UBA52: variants seen among roughly 807,000 people sequenced by gnomAD.
The protein encoded by UBA52 is ubiquitin-ribosomal protein eL40 fusion protein.
In UBA52, 1 loss-of-function variant was observed where a neutral mutation model predicts 15.3. The observed-to-expected ratio is 0.07, with a 90% CI of 0.02 to 0.31. The LOEUF (loss-of-function observed/expected upper bound fraction) is 0.31. Ranked by LOEUF, UBA52 falls within the 10% of genes least tolerant of loss-of-function variation. The pLI is 1.00. For synonymous variants in UBA52, 50 were observed against 58.3 expected, an observed-to-expected ratio of 0.86 and a Z score of 0.65; for missense variants, 87 against 168.0, an observed-to-expected ratio of 0.52 and a Z score of 2.66.
At chr19:18,572,893 C>T in intron 1 of UBA52, 1 of 1,083,114 alleles carries the variant, frequency 9.2e-7, no homozygotes, top group Non-Finnish European at 1.1e-6. Flanking sequence ...CAGATCAGGA[C>T]CTGGCTGCCG....
the UBA52 span, chr19:18,564,819 C>T: frequency 6.2e-7 from 1 of 1,604,024 alleles, no homozygotes; most frequent in Non-Finnish European, 8.5e-7. Context: ...CCAGGTTGGG[C>T]AGGGCCCTGA....
Position 18,577,169 on chromosome 19 carries a change from A to G in UBA52, c.*2019A>G, listed in dbSNP as rs958960951. ...GTGCACGAGGCCAGTGATGCATCCT[A>G]ATGAGGGGTGGAGTTGGCGGGACTT... is the stretch of plus-strand genomic sequence containing the variant. On this transcript the variant is annotated 3_prime_UTR_variant, in exon 5 of 5. Transcript: ENST00000442744. 6.6e-6 allele frequency: 1 copy of G among 151,596 alleles called. No individual in the cohort carries two copies. The allele number at this position is 151,596 out of a possible 1,614,324, so 9.4% of individuals were successfully genotyped here.
intron 1 of UBA52, chr19:18,572,256 C>G (rs192845419): frequency 6.6e-6 from 1 of 152,284 alleles, no homozygotes; most frequent in South Asian, 2.1e-4. Flanking sequence ...CGAGCTGAGT[C>G]TTCATACCTG....
At chr19:18,571,257 C>T (rs1280645765), upstream of UBA52, among the ~76,000 whole-genome samples, 2 of 148,388 alleles carry the variant, frequency 1.3e-5, no homozygotes, top group Non-Finnish European at 3.0e-5. Context: ...TTGCGGTGAG[C>T]CGAGATCGCG....
At chr19:18,568,657 G>C, upstream of UBA52, 1 of 1,556,290 alleles carries the variant, frequency 6.4e-7, no homozygotes, top group Non-Finnish European at 8.8e-7. Context: ...CCTTGAGGGG[G>C]TCTCAGGGCA....
chr19:18,565,308 C>T, the UBA52 span: 2 of 630,422 alleles, frequency 3.2e-6, no homozygotes, highest in Non-Finnish European at 4.7e-6. Flanking sequence ...CAGCTCACTG[C>T]AAGCTCCGCT....
At chr19:18,567,276 G>C, upstream of UBA52, 1 of 1,229,458 alleles carries the variant, frequency 8.1e-7, no homozygotes, top group Non-Finnish European at 1.2e-6. Flanking sequence ...ACTGAGACCA[G>C]GCTGTAATGG....
chr19:18,564,699 T>C, the UBA52 span, among the ~76,000 whole-genome samples: 9 of 152,158 alleles, frequency 5.9e-5, no homozygotes, highest in Non-Finnish European at 1.0e-4. Context: ...GAAGGTTGAA[T>C]AGGAGTTTGC....
chr19:18,575,163 C>G lies in UBA52; in HGVS notation c.*13C>G. 3.7e-6 allele frequency: 6 copies of G among 1,614,078 alleles called. No homozygotes were observed. Among genetic ancestry groups the G allele is most frequent in the Non-Finnish European group, 5.1e-6 (6 of 1,180,012 alleles). ...GAAGGTCAAATAAGGTGGTTCTTTC[C>G]TTGAAGGGCAGCCTCCTGCCCAGGC... On this transcript the variant is annotated 3_prime_UTR_variant, in exon 5 of 5. Coordinates refer to ENST00000442744, the MANE Select transcript of UBA52 (RefSeq NM_001033930.3).
chr19:18,564,088 T>C, the UBA52 span, among the ~76,000 whole-genome samples: 3 of 151,840 alleles, frequency 2.0e-5, no homozygotes, highest in African/African-American at 7.3e-5. Flanking sequence ...GGTTTTCCCA[T>C]GTTGGCAAGG....
upstream of UBA52, among the ~76,000 whole-genome samples, chr19:18,571,439 C>T (rs1281130217): frequency 6.6e-6 from 1 of 152,212 alleles, no homozygotes; most frequent in Non-Finnish European, 1.5e-5. Flanking sequence ...TCAGGCACAG[C>T]GGCCGAGAGC....
the UBA52 span, chr19:18,565,057 C>T: frequency 6.3e-7 from 1 of 1,591,330 alleles, no homozygotes; most frequent in East Asian, 2.2e-5. Flanking sequence ...CAGCTGACCT[C>T]TGCCTCCACC....
chr19:18,567,418 A>T (rs1975303029), upstream of UBA52: 2 of 667,252 alleles, frequency 3.0e-6, no homozygotes, highest in African/African-American at 3.6e-5. Context: ...GAATGTGGAT[A>T]AGCAGCATGA....
chr19:18,565,362 T>C, the UBA52 span, among the ~76,000 whole-genome samples: 2 of 151,878 alleles, frequency 1.3e-5, no homozygotes, highest in Non-Finnish European at 2.9e-5. Context: ...CCGGAGTAGC[T>C]GGGATTACAG....
At position 18,574,959 on chromosome 19, in the gene UBA52, A is replaced by C; in HGVS notation, c.280A>C (p.Met94Leu). Residue 94 changes from methionine (M) to leucine (L), a missense_variant, in exon 4 of 5, where the codon ATG becomes CTG. Coordinates refer to ENST00000442744, the MANE Select transcript of UBA52 (RefSeq NM_001033930.3). The stretch of plus-strand genomic sequence containing the variant: ...TGCCCAGAAATACAACTGCGACAAG[A>C]TGATCTGCCGCAAGTATGTGTGCTC... ...QLAQKYNCDK[M>L]ICRKCYARLH... 1.9e-6 allele frequency: 3 copies of C among 1,614,170 alleles called. No individual in the cohort carries two copies. The highest frequency in any genetic ancestry group is 2.5e-6 in the Non-Finnish European group (3 of 1,180,032).
chr19:18,570,727 G>C (rs1460708360), upstream of UBA52, among the ~76,000 whole-genome samples: 1 of 144,838 alleles, frequency 6.9e-6, no homozygotes, highest in Non-Finnish European at 1.5e-5. Context: ...TGCTCTTGTT[G>C]CCCAGGCTGT....
upstream of UBA52, chr19:18,568,289 A>C: frequency 1.4e-6 from 1 of 710,338 alleles, no homozygotes; most frequent in Admixed American, 2.4e-5. Context: ...AAAAAGGGTC[A>C]AGTCATACCC....
chr19:18,574,548 C>T (rs1432604299), intron 3 of UBA52, among the ~76,000 whole-genome samples: 2 of 152,140 alleles, frequency 1.3e-5, no homozygotes, highest in Admixed American at 1.3e-4. Flanking sequence ...GCCATGGTGC[C>T]CCGCCTAGAC....
At chr19:18,574,095 C>G (rs1045599674) in intron 3 of UBA52, among the ~76,000 whole-genome samples, 2 of 151,762 alleles carry the variant, frequency 1.3e-5, no homozygotes, top group Non-Finnish European at 2.9e-5. Context: ...ATCATCATGA[C>G]CAACATGGTG....
Sources: gnomAD v4.1 joint callset for allele counts (sites outside exome capture counted in the v4.1 genomes callset) on GRCh38, gnomAD v4.1.1 for gene constraint, MANE v1.5 for transcripts, NCBI Gene and HGNC (gene_info 2026-07-23, HGNC 2026-07-21) for gene names.